The following LMO7 variants were observed in gnomAD, a reference collection of about 807,000 sequenced individuals.
LMO7 encodes the protein LIM domain only protein 7.
Under a neutral mutation model 206.5 loss-of-function variants are expected in LMO7, and 120 were observed. That is an observed-to-expected ratio of 0.58 (90% CI 0.50 to 0.68). The LOEUF (loss-of-function observed/expected upper bound fraction) is 0.68, where lower values mean the gene tolerates loss of function less well. Among genes scored for constraint, LMO7 ranks in the 30% least tolerant of loss-of-function variants. LMO7 has a pLI of 0.00. For synonymous variants in LMO7, 706 were observed against 681.5 expected, an observed-to-expected ratio of 1.04 and a Z score of -0.56; for missense variants, 1,959 against 1,957.9, an observed-to-expected ratio of 1.00 and a Z score of -0.01.
chr13:75,680,634 C>T (rs183223067), intron 1 of LMO7, among the ~76,000 whole-genome samples: 1 of 151,672 alleles, frequency 6.6e-6, no homozygotes, highest in East Asian at 1.9e-4. Flanking sequence ...AGTTTTATTA[C>T]ATAGGATACA....
chr13:75,661,427 A>G (rs1015818652), intron 1 of LMO7, among the ~76,000 whole-genome samples: 2 of 152,202 alleles, frequency 1.3e-5, no homozygotes, highest in African/African-American at 4.8e-5. Flanking sequence ...TCTGTGCTTT[A>G]GCTTTCTTTT....
intron 4 of LMO7, among the ~76,000 whole-genome samples, chr13:75,779,179 A>C (rs2050943395): frequency 6.6e-6 from 1 of 152,088 alleles, no homozygotes; most frequent in Admixed American, 6.5e-5. Context: ...AAAGGTGTGC[A>C]GGCTTGAGGA....
At chr13:75,836,606 C>G in intron 19 of LMO7, 149 bp downstream of exon 19, 1 of 552,260 alleles carries the variant, frequency 1.8e-6, no homozygotes, top group South Asian at 2.4e-5. Flanking sequence ...GATCCAATTG[C>G]AGCCAGGTGG....
At chr13:75,670,669 G>C in intron 1 of LMO7, among the ~76,000 whole-genome samples, 1 of 152,178 alleles carries the variant, frequency 6.6e-6, no homozygotes, top group Admixed American at 6.5e-5. Flanking sequence ...TTGCAGGACC[G>C]GAAGTTGCTC....
Position 75,678,633 on chromosome 13 carries a change from G to A in LMO7, c.70-34549G>A, listed in dbSNP as rs1046006062. Among the ~76,000 whole-genome samples the A allele has an allele frequency of 4.6e-5, 7 of 152,100 alleles. No homozygotes were observed. In the South Asian group the frequency reaches 1.0e-3, roughly 23 times the overall value. ...GCCTGCTTCTCCCTCACACCTCTTC[G>A]GTGAGACCAGCTCTCCTCCTCTCAG... On this transcript the variant is annotated intron_variant, in intron 1 of 30. Coordinates refer to ENST00000377534, the MANE Select transcript of LMO7 (RefSeq NM_001306080.2).
rs1468063145 is a variant in LMO7, at chr13:75,823,550, T to C, written c.2641-15T>C. On this transcript the variant is annotated splice_polypyrimidine_tract_variant and intron_variant, in intron 14 of 30. Transcript: ENST00000377534. Reference sequence around the variant, plus strand: ...TAACAGAATATCAAGTTTAAAATGATGTTTTCTTATTTAGATGGATGATGC... The same window carrying C: ...TAACAGAATATCAAGTTTAAAATGACGTTTTCTTATTTAGATGGATGATGC... 9.0e-6 allele frequency: 14 copies of C among 1,559,794 alleles called. No homozygotes were observed. The highest frequency in any genetic ancestry group is 1.1e-5 in the Non-Finnish European group (13 of 1,138,508).
At chr13:75,716,107 A>G (rs1004271392) in intron 2 of LMO7, among the ~76,000 whole-genome samples, 3 of 152,200 alleles carry the variant, frequency 2.0e-5, no homozygotes, top group African/African-American at 7.2e-5. Context: ...ACCTCTAGGC[A>G]TTCTCATTCA....
chr13:75,737,419 A>G (rs1943235281), intron 3 of LMO7, among the ~76,000 whole-genome samples: 3 of 152,008 alleles, frequency 2.0e-5, no homozygotes, highest in Admixed American at 2.0e-4. Context: ...TAGGAAATTA[A>G]TACAGATAGG....
intron 1 of LMO7, among the ~76,000 whole-genome samples, chr13:75,670,421 T>G (rs917701135): frequency 6.6e-6 from 1 of 152,130 alleles, no homozygotes; most frequent in Non-Finnish European, 1.5e-5. Context: ...CATCGTAGAG[T>G]GTACTTACAC....
chr13:75,790,987 T>G (rs2053208210), intron 4 of LMO7, among the ~76,000 whole-genome samples: 1 of 151,894 alleles, frequency 6.6e-6, no homozygotes, highest in East Asian at 1.9e-4. Context: ...CTACCCCTTT[T>G]TTTTTTTTGG....
chr13:75,738,919 G>A (rs1348032080), intron 3 of LMO7, among the ~76,000 whole-genome samples: 1 of 152,196 alleles, frequency 6.6e-6, no homozygotes, highest in African/African-American at 2.4e-5. Context: ...GCTAAAGCAA[G>A]GTTTCTCAGC....
chr13:75,765,316 C>CTT (rs139335299), intron 4 of LMO7, among the ~76,000 whole-genome samples: 9 of 119,494 alleles, frequency 7.5e-5, no homozygotes, highest in African/African-American at 2.7e-4. Flanking sequence ...CCTAGTTTTA[C>CTT]TTTTTTTTTT....
Position 75,822,184 on chromosome 13 carries a change from G to A in LMO7, c.2640+575G>A, listed in dbSNP as rs544631456. On this transcript the variant is annotated intron_variant, in intron 14 of 30. Transcript: ENST00000377534. Reference sequence around the variant, plus strand: ...AGTGGTACCATATCCGACAATGAGTGTGTTAATCTGAATTATGTGAAAGGA... The same window carrying A: ...AGTGGTACCATATCCGACAATGAGTATGTTAATCTGAATTATGTGAAAGGA... Among the ~76,000 whole-genome samples the A allele has an allele frequency of 1.8e-4, 28 of 152,248 alleles. No homozygotes were observed. In the South Asian group the frequency reaches 4.6e-3, roughly 25 times the overall value.
At chr13:75,702,182 A>C (rs1182353284) in intron 1 of LMO7, among the ~76,000 whole-genome samples, 1 of 152,146 alleles carries the variant, frequency 6.6e-6, no homozygotes. Flanking sequence ...AGTGTTTATA[A>C]AGACAGTTAG....
intron 3 of LMO7, among the ~76,000 whole-genome samples, chr13:75,744,764 C>T (rs537087712): frequency 2.0e-5 from 3 of 152,284 alleles, no homozygotes; most frequent in Admixed American, 1.3e-4. Context: ...CAGCTATAAA[C>T]AAGGCAGAGT....
At chr13:75,737,200 G>A (rs1217779769) in intron 3 of LMO7, among the ~76,000 whole-genome samples, 1 of 152,112 alleles carries the variant, frequency 6.6e-6, no homozygotes, top group Non-Finnish European at 1.5e-5. Context: ...CACACAGGAA[G>A]AATGCCATAT....
intron 27 of LMO7, 84 bp from the exon 28 acceptor site, chr13:75,853,008 A>G: frequency 8.6e-7 from 1 of 1,165,188 alleles, no homozygotes. Flanking sequence ...ATAAAAATGG[A>G]TTTTTAATGA....
chr13:75,819,666 C>A, intron 13 of LMO7, 131 bp downstream of exon 13: 1 of 916,448 alleles, frequency 1.1e-6, no homozygotes, highest in African/African-American at 1.7e-5. Context: ...TGCAAAGAAA[C>A]GTTTAAGATT....
In LMO7 at chr13:75,693,458, C is replaced by A. The variant is rs539203141; in HGVS notation, c.70-19724C>A. ...TGTCTGTGGCTGCCACCTGGCTCTGCTTCAGGCTGGGGTGATAATTATTTC... is the reference window on the plus strand; with the variant it reads ...TGTCTGTGGCTGCCACCTGGCTCTGATTCAGGCTGGGGTGATAATTATTTC... On this transcript the variant is annotated intron_variant, in intron 1 of 30. Transcript: ENST00000377534. Among the ~76,000 whole-genome samples, 7 of 152,286 alleles carry A rather than the reference C, an allele frequency of 4.6e-5. No homozygotes were observed. In the South Asian group the frequency reaches 1.5e-3, roughly 32 times the overall value.
Sources: allele counts gnomAD v4.1 joint callset (sites outside exome capture counted in the v4.1 genomes callset), GRCh38; gene constraint gnomAD v4.1.1; transcripts MANE v1.5; gene names NCBI Gene and HGNC (gene_info 2026-07-23, HGNC 2026-07-21).